The following PTPRG variants were observed in gnomAD, a reference collection of about 807,000 sequenced individuals.
PTPRG encodes the protein receptor-type tyrosine-protein phosphatase gamma.
PTPRG carries 102 observed loss-of-function variants against 165.3 expected under a neutral mutation model. That is an observed-to-expected ratio of 0.62 (90% CI 0.53 to 0.73). PTPRG has a LOEUF of 0.73. Among genes scored for constraint, PTPRG ranks in the 30% least tolerant of loss-of-function variants. The pLI, the probability that PTPRG is intolerant of heterozygous loss-of-function variation, is 0.00. For missense variants in PTPRG, 1,866 were observed against 1,861.4 expected, an observed-to-expected ratio of 1.00 and a Z score of -0.05; for synonymous variants, 675 against 669.5, an observed-to-expected ratio of 1.01 and a Z score of -0.13.
In PTPRG at chr3:61,739,992, C is replaced by T. The variant is rs757369380; in HGVS notation, c.86-8886C>T. ...TTCCACACTGGCAACTAATGCAATA[C>T]GCATACACCCATGCATACATGTACA... On this transcript the variant is annotated intron_variant, in intron 1 of 29. Transcript: ENST00000474889. Among the ~76,000 whole-genome samples the T allele has an allele frequency of 4.6e-5, 7 of 152,282 alleles. 1 individual carries two copies. In the South Asian group the frequency reaches 8.3e-4, roughly 18 times the overall value.
chr3:61,992,286 T>A (rs771966685), intron 3 of PTPRG, among the ~76,000 whole-genome samples: 1 of 152,128 alleles, frequency 6.6e-6, no homozygotes, highest in African/African-American at 2.4e-5. Flanking sequence ...TTTTAACTTA[T>A]GGTGGTTTAG....
chr3:61,852,366 A>G (rs1238349602), intron 2 of PTPRG, among the ~76,000 whole-genome samples: 1 of 152,240 alleles, frequency 6.6e-6, no homozygotes, highest in Non-Finnish European at 1.5e-5. Context: ...TATTTCAAGC[A>G]TGTTATACAG....
chr3:62,036,983 G>GCACACACACACACACACA (rs10587372), intron 4 of PTPRG, among the ~76,000 whole-genome samples: 21 of 150,456 alleles, frequency 1.4e-4, no homozygotes, highest in African/African-American at 4.6e-4. Context: ...GCGCGCGCAC[G>GCACACACACACACACACA]CACACACACA....
rs59917695 is a variant in PTPRG at position 61,813,424 on chromosome 3, G to A, written c.190+64442G>A. Reference sequence around the variant, plus strand: ...CAGCTGCTTGGGAGGCTGAGGCACCGAGAACCACTTGAACCAGGGAGGCAG... The same window carrying A: ...CAGCTGCTTGGGAGGCTGAGGCACCAAGAACCACTTGAACCAGGGAGGCAG... On this transcript the variant is annotated intron_variant, in intron 2 of 29. Transcript: ENST00000474889. Among the ~76,000 whole-genome samples the A allele has an allele frequency of 6.4e-3, 964 of 149,934 alleles. 9 individuals are homozygous for A. Among genetic ancestry groups the A allele is most frequent in the African/African-American group, 0.023 (925 of 40,790 alleles).
At chr3:62,150,990 A>G (rs1053178339) in intron 6 of PTPRG, among the ~76,000 whole-genome samples, 5 of 152,234 alleles carry the variant, frequency 3.3e-5, no homozygotes, top group African/African-American at 1.2e-4. Flanking sequence ...TAACCAAAGC[A>G]TTGAAAATAT....
At chr3:61,946,566 A>G (rs2039765303) in intron 2 of PTPRG, among the ~76,000 whole-genome samples, 1 of 152,192 alleles carries the variant, frequency 6.6e-6, no homozygotes, top group Admixed American at 6.5e-5. Context: ...TGTGCTGTGC[A>G]TGGTTGAATT....
At chr3:61,755,005 C>A (rs1020621733) in intron 2 of PTPRG, among the ~76,000 whole-genome samples, 2 of 143,346 alleles carry the variant, frequency 1.4e-5, no homozygotes, top group African/African-American at 5.2e-5. Flanking sequence ...TTTTTTTTTT[C>A]TTTTGAGATG....
rs1576129321 is a variant in PTPRG at position 62,203,219 on chromosome 3, C to T, written c.1424C>T (p.Ser475Leu). The change falls in exon 12 of 30, where the codon TCG becomes TTG. Residue 475 changes from serine (S) to leucine (L), a missense_variant. By Grantham distance (145) the Ser-to-Leu change is moderately radical. Around this residue, in one of 3 missense-constraint regions of PTPRG, gnomAD observed 1,452 missense variants for 1,463.0 expected, o/e 0.99. Transcript: ENST00000474889. This position sits in a 1 kb window ranked among gnomAD's most constrained non-coding sequence, Gnocchi z 6.4. ...TCAGCCGACATGGCCCCCATCAGCT[C>T]GGGGTCTTCTACCTGGACGTCCTCT... is the stretch of plus-strand genomic sequence containing the variant. Reference protein sequence around the residue: ...ASSADMAPISSGSSTWTSSGI... With the variant: ...ASSADMAPISLGSSTWTSSGI... The T allele has an allele frequency of 1.2e-6, 2 of 1,612,182 alleles. No individual in the cohort carries two copies. Among genetic ancestry groups the T allele is most frequent in the Non-Finnish European group, 8.5e-7 (1 of 1,178,852 alleles).
rs12488405 is a variant in PTPRG, at chr3:62,026,043, A to T, written c.519+22546A>T. 8.2e-3 allele frequency among the ~76,000 whole-genome samples: 1,245 copies of T among 152,364 alleles called. 57 individuals carry two copies. Among genetic ancestry groups the T allele is most frequent in the Admixed American group, 0.064 (975 of 15,310 alleles). ...AGAAAAATGATTTTGCGACCTAGGC[A>T]TTAAAGTATGCAGTGCCATCTGTCT... On this transcript the variant is annotated intron_variant, in intron 4 of 29. Transcript: ENST00000474889.
intron 1 of PTPRG, among the ~76,000 whole-genome samples, chr3:61,662,611 C>G (rs922654063): frequency 6.6e-6 from 1 of 152,160 alleles, no homozygotes; most frequent in Non-Finnish European, 1.5e-5. Flanking sequence ...TAATAGATCA[C>G]TAATGCACAA....
intron 5 of PTPRG, among the ~76,000 whole-genome samples, chr3:62,110,227 C>T (rs897960975): frequency 5.3e-5 from 8 of 150,270 alleles, no homozygotes; most frequent in Admixed American, 6.7e-5. Flanking sequence ...AAATTACTGA[C>T]GTGGTTTCTG....
At chr3:61,930,720 T>C (rs1350886771) in intron 2 of PTPRG, among the ~76,000 whole-genome samples, 1 of 152,074 alleles carries the variant, frequency 6.6e-6, no homozygotes, top group Non-Finnish European at 1.5e-5. Context: ...AGAGAAATAA[T>C]ATAGGTAATT....
At chr3:62,133,643 T>C (rs925419390) in intron 6 of PTPRG, among the ~76,000 whole-genome samples, 19 of 152,172 alleles carry the variant, frequency 1.2e-4, no homozygotes, top group Non-Finnish European at 7.3e-5. Context: ...ACCTACTCAG[T>C]GTAGAAAAAT....
At chr3:61,567,507 A>G (rs181397738) in intron 1 of PTPRG, among the ~76,000 whole-genome samples, 1 of 151,978 alleles carries the variant, frequency 6.6e-6, no homozygotes, top group Non-Finnish European at 1.5e-5. Context: ...CCCTGCCTCT[A>G]CAGATAATAA....
intron 2 of PTPRG, among the ~76,000 whole-genome samples, chr3:61,930,306 A>G (rs1266209490): frequency 1.3e-5 from 2 of 152,180 alleles, no homozygotes. Flanking sequence ...TCATACCCTC[A>G]AGGGTGACTT....
intron 2 of PTPRG, among the ~76,000 whole-genome samples, chr3:61,880,140 A>G (rs989742760): frequency 3.3e-5 from 5 of 152,328 alleles, no homozygotes; most frequent in South Asian, 2.1e-4. Flanking sequence ...TGTTTATCAC[A>G]TATTTATTGA....
At chr3:62,058,871 T>G (rs982063333) in intron 4 of PTPRG, among the ~76,000 whole-genome samples, 1 of 152,196 alleles carries the variant, frequency 6.6e-6, no homozygotes, top group African/African-American at 2.4e-5. Flanking sequence ...GGAAGGGCTC[T>G]TTTCTTCCCT....
At chr3:62,095,556 C>G (rs775566396) in intron 5 of PTPRG, among the ~76,000 whole-genome samples, 31 of 152,250 alleles carry the variant, frequency 2.0e-4, no homozygotes, top group Non-Finnish European at 3.2e-4. Context: ...ATGCCAAGCA[C>G]TGTGCTAGGC....
At chr3:62,001,629 T>A (rs2041174363) in intron 3 of PTPRG, among the ~76,000 whole-genome samples, 1 of 151,588 alleles carries the variant, frequency 6.6e-6, no homozygotes, top group African/African-American at 2.4e-5. Flanking sequence ...ATATAAGATT[T>A]TAGATATTAT....
Sources: gnomAD v4.1 joint callset for allele counts (sites outside exome capture counted in the v4.1 genomes callset) on GRCh38, gnomAD v4.1.1 for gene constraint, gnomAD v4.1.1 regional missense constraint, Gnocchi (gnomAD v3.1) non-coding constraint, MANE v1.5 for transcripts, NCBI Gene and HGNC (gene_info 2026-07-23, HGNC 2026-07-21) for gene names.